The following BANP variants were observed in gnomAD, a reference collection of about 807,000 sequenced individuals.
BANP encodes BTG3 associated nuclear protein.
BANP carries 11 observed loss-of-function variants against 68.1 expected under a neutral mutation model. The ratio of observed to expected loss-of-function variants is 0.16; its 90% CI spans 0.10 to 0.27. The LOEUF is 0.27. BANP is among the 10% of genes least tolerant of loss of function. The probability of loss-of-function intolerance (pLI) is 1.00; values close to 1 mark genes in which losing one functional copy is unlikely to be tolerated. For synonymous variants in BANP, 329 were observed against 303.2 expected (o/e 1.09, Z -0.88); for missense variants, 504 against 722.7 (o/e 0.70, Z 3.47).
chr16:88,010,709 C>T (rs1057211325), intron 6 of BANP, among the ~76,000 whole-genome samples: 4 of 152,238 alleles, frequency 2.6e-5, no homozygotes, highest in Admixed American at 1.3e-4. Flanking sequence ...TGTGCCGAGT[C>T]ACACACATCG....
chr16:88,073,169 C>T (rs566022330), intron 13 of BANP, among the ~76,000 whole-genome samples: 7 of 152,358 alleles, frequency 4.6e-5, no homozygotes, highest in East Asian at 1.9e-4. Flanking sequence ...GAAGTGGGCT[C>T]GGTAGAGCTC....
chr16:87,965,081 G>A (rs11866841), intron 1 of BANP, among the ~76,000 whole-genome samples: 99,627 of 152,046 alleles, frequency 0.66, 33,213 homozygotes, highest in African/African-American at 0.74. Flanking sequence ...GTCAGTGCTG[G>A]CTGAGCAAAG....
chr16:88,011,935 A>G (rs1416821952), intron 6 of BANP, among the ~76,000 whole-genome samples: 1 of 152,230 alleles, frequency 6.6e-6, no homozygotes, highest in African/African-American at 2.4e-5. Flanking sequence ...GATATCGTAG[A>G]CATCTAGCCA....
chr16:87,989,208 T>A (rs924030825), intron 4 of BANP, among the ~76,000 whole-genome samples: 1 of 152,214 alleles, frequency 6.6e-6, no homozygotes, highest in Admixed American at 6.5e-5. Flanking sequence ...CGTCATCGAC[T>A]TGGGGACAAG....
At chr16:88,010,884 G>A (rs1338423876) in intron 6 of BANP, among the ~76,000 whole-genome samples, 6 of 152,238 alleles carry the variant, frequency 3.9e-5, no homozygotes, top group African/African-American at 1.2e-4. Flanking sequence ...CGCAGTGCAC[G>A]GAATGCCATT....
At chr16:88,067,545 T>A (rs1484390069) in intron 12 of BANP, among the ~76,000 whole-genome samples, 1 of 152,184 alleles carries the variant, frequency 6.6e-6, no homozygotes, top group Non-Finnish European at 1.5e-5. Context: ...TGATTTGAGA[T>A]ACTTTATGGG....
chr16:87,979,540 G>C (rs7193799), intron 2 of BANP, among the ~76,000 whole-genome samples: 10,811 of 152,142 alleles, frequency 0.071, 1,240 homozygotes, highest in African/African-American at 0.24. Flanking sequence ...TGGCAGTATG[G>C]GAAGGGCTGG....
At chr16:87,953,169 AGTCT>A (rs746673198) in intron 1 of BANP, among the ~76,000 whole-genome samples, 2 of 150,660 alleles carry the variant, frequency 1.3e-5, no homozygotes, top group Non-Finnish European at 2.9e-5. Flanking sequence ...GTTCGAATTC[AGTCT>A]GTCTGAAGCC....
At chr16:87,956,223 A>G (rs1567569155) in intron 1 of BANP, among the ~76,000 whole-genome samples, 1 of 152,204 alleles carries the variant, frequency 6.6e-6, no homozygotes, top group East Asian at 1.9e-4. Context: ...ACTGTAACTC[A>G]CAGCACCAGT....
rs541361489 is a variant in BANP at position 87,989,857 on chromosome 16, G to A, written c.362+5598G>A. 5.4e-5 allele frequency among the ~76,000 whole-genome samples: 6 copies of A among 111,932 alleles called. No individual in the cohort carries two copies. In the East Asian group the frequency reaches 2.3e-3, roughly 43 times the overall value. The allele number at this position is 111,932 out of a possible 152,430, so 73.4% of individuals were successfully genotyped here. On this transcript the variant is annotated intron_variant, in intron 4 of 13. Coordinates refer to ENST00000682872, the MANE Select transcript of BANP (RefSeq NM_001386991.1). ...GGGGGATGCAGGCCCGCGTGGCTGC[G>A]TGCATCCAGGACACAGGACACAGGG...
intron 8 of BANP, among the ~76,000 whole-genome samples, chr16:88,032,491 C>A (rs13335137): frequency 6.6e-6 from 1 of 152,086 alleles, no homozygotes. Flanking sequence ...TGTGAGCCAC[C>A]GTGTCCGGAC....
intron 11 of BANP, among the ~76,000 whole-genome samples, chr16:88,060,041 C>G (rs932625422): frequency 6.6e-6 from 1 of 152,264 alleles, no homozygotes; most frequent in Non-Finnish European, 1.5e-5. Flanking sequence ...GGGCCTTCCT[C>G]TGAAGATGGC....
intron 1 of BANP, among the ~76,000 whole-genome samples, chr16:87,959,156 G>T (rs754564700): frequency 6.6e-6 from 1 of 152,226 alleles, no homozygotes; most frequent in African/African-American, 2.4e-5. Context: ...TGGCCTTGTG[G>T]GGCGTGGGAT....
chr16:88,027,008 A>AG (rs1232083267), intron 7 of BANP, among the ~76,000 whole-genome samples: 1 of 152,242 alleles, frequency 6.6e-6, no homozygotes, highest in East Asian at 1.9e-4. Flanking sequence ...CAGGACATGA[A>AG]GGAAGGGAAG....
At chr16:87,999,986 C>T (rs571692607) in intron 4 of BANP, among the ~76,000 whole-genome samples, 1 of 88,738 alleles carries the variant, frequency 1.1e-5, no homozygotes, top group East Asian at 4.5e-4. Flanking sequence ...ACGTGCGCGG[C>T]TGTACTTGCC....
intron 3 of BANP, among the ~76,000 whole-genome samples, chr16:87,982,147 C>G (rs1366418076): frequency 6.6e-6 from 1 of 152,222 alleles, no homozygotes; most frequent in Non-Finnish European, 1.5e-5. Flanking sequence ...CGTTATCATT[C>G]CCTAAATAAA....
At chr16:87,954,186 G>C (rs1478123673) in intron 1 of BANP, among the ~76,000 whole-genome samples, 1 of 152,060 alleles carries the variant, frequency 6.6e-6, no homozygotes, top group African/African-American at 2.4e-5. Flanking sequence ...TTCCTTCTGT[G>C]TCTCGTTTAT....
chr16:88,038,054 C>T (rs778088228), intron 11 of BANP, 43 bp downstream of exon 11: 5 of 1,445,264 alleles, frequency 3.5e-6, no homozygotes, highest in Non-Finnish European at 4.7e-6. Flanking sequence ...GTTGCGCTGC[C>T]GAGGGATGGG....
intron 2 of BANP, chr16:87,980,612 C>T: frequency 1.5e-5 from 3 of 203,030 alleles, no homozygotes; most frequent in Non-Finnish European, 3.0e-5. Context: ...TATTTTTTCC[C>T]CTTTTAGTTC....
Sources: gnomAD v4.1 joint callset for allele counts (sites outside exome capture counted in the v4.1 genomes callset) on GRCh38, gnomAD v4.1.1 for gene constraint, MANE v1.5 for transcripts, NCBI Gene and HGNC (gene_info 2026-07-23, HGNC 2026-07-21) for gene names.